The following PCDHA8 variants were observed in gnomAD, a reference collection of about 807,000 sequenced individuals.
The protein encoded by PCDHA8 is protocadherin alpha 8.
In PCDHA8, 53 loss-of-function variants were observed where a neutral mutation model predicts 61.8. That is an observed-to-expected ratio of 0.86 (90% CI 0.69 to 1.08). PCDHA8 has a LOEUF of 1.08. PCDHA8 is among the 50% of genes least tolerant of loss of function. PCDHA8 has a pLI of 0.00. For missense variants in PCDHA8, 1,293 were observed against 1,245.0 expected (o/e 1.04, Z -0.58); for synonymous variants, 618 against 556.6 (o/e 1.11, Z -1.55).
intron 3 of PCDHA8, among the ~76,000 whole-genome samples, chr5:140,993,956 C>T (rs2097588909): frequency 6.6e-6 from 1 of 152,140 alleles, no homozygotes; most frequent in Admixed American, 6.5e-5. Flanking sequence ...TGATACATGA[C>T]TGTAGTCATC....
intron 1 of PCDHA8, among the ~76,000 whole-genome samples, chr5:140,947,922 C>T (rs2094193763): frequency 6.6e-6 from 1 of 151,450 alleles, no homozygotes; most frequent in Admixed American, 6.6e-5. Context: ...TTGCCTTAAC[C>T]CTGATCTTAT....
intron 1 of PCDHA8, among the ~76,000 whole-genome samples, chr5:140,937,638 C>T (rs1563161991): frequency 6.7e-6 from 1 of 150,048 alleles, no homozygotes; most frequent in Non-Finnish European, 1.5e-5. Flanking sequence ...AAAGGCAGGG[C>T]ATGGTGGCTC....
intron 1 of PCDHA8, among the ~76,000 whole-genome samples, chr5:140,956,583 C>T (rs155799): frequency 0.28 from 42,736 of 152,052 alleles, 6,865 homozygotes; most frequent in East Asian, 0.53. Context: ...TGCATTGATG[C>T]TTATCAGGGA....
chr5:140,974,302 C>G (rs782329639), intron 1 of PCDHA8, among the ~76,000 whole-genome samples: 1 of 152,176 alleles, frequency 6.6e-6, no homozygotes, highest in Non-Finnish European at 1.5e-5. Flanking sequence ...GGAGGTACAA[C>G]TGTGAGTGAG....
At position 140,848,955 on chromosome 5, in the gene PCDHA8, C is replaced by T. The variant is rs2150426444; in HGVS notation, c.2394+5240C>T. On this transcript the variant is annotated intron_variant, in intron 1 of 3. Coordinates refer to ENST00000531613, the MANE Select transcript of PCDHA8 (RefSeq NM_018911.3). ...CAGGCCGCTTGACTCTCGGTTTCCA[C>T]TAGAGGGCGCGTCCGATGCAGATAT... 9.1e-5 allele frequency: 146 copies of T among 1,606,852 alleles called. 6 individuals are homozygous for T. Among genetic ancestry groups the T allele is most frequent in the Middle Eastern group, 1.7e-4 (1 of 6,060 alleles).
chr5:141,009,514 A>T (rs2098410382), intron 3 of PCDHA8, 113 bp from the exon 4 acceptor site: 5 of 1,501,204 alleles, frequency 3.3e-6, no homozygotes, highest in African/African-American at 1.4e-5. Context: ...ACAACTCGTG[A>T]TTTTTCTGGG....
chr5:140,966,652 G>C (rs556593659), intron 1 of PCDHA8: 2 of 1,169,200 alleles, frequency 1.7e-6, no homozygotes, highest in Admixed American at 3.9e-5. Context: ...GAGCGTGAGC[G>C]GTGGGGGAGC....
chr5:140,892,461 G>A lies in PCDHA8; in HGVS notation c.2394+48746G>A, dbSNP rs187904355. On this transcript the variant is annotated intron_variant, in intron 1 of 3. Coordinates refer to ENST00000531613, the MANE Select transcript of PCDHA8 (RefSeq NM_018911.3). ...AAATTTACATGTATTCTTTAAGTAC[G>A]GTTATTCAGTTTCCTAGCCAAACAT... 2.1e-3 allele frequency among the ~76,000 whole-genome samples: 317 copies of A among 152,150 alleles called. 1 individual carries two copies. Among genetic ancestry groups the A allele is most frequent in the Non-Finnish European group, 3.5e-3 (237 of 68,004 alleles).
chr5:140,870,927 T>G (rs782446287), intron 1 of PCDHA8: 1 of 1,613,880 alleles, frequency 6.2e-7, no homozygotes, highest in South Asian at 1.1e-5. Context: ...GGCTTTCATA[T>G]GAATTGCAGC....
At chr5:140,969,606 C>T (rs2096345912) in intron 1 of PCDHA8, 1 of 758,598 alleles carries the variant, frequency 1.3e-6, no homozygotes, top group South Asian at 2.1e-5. Context: ...AATGCTAAAA[C>T]ACAGATTTGT....
At chr5:140,921,202 C>T (rs528515993) in intron 1 of PCDHA8, among the ~76,000 whole-genome samples, 20 of 151,968 alleles carry the variant, frequency 1.3e-4, no homozygotes, top group African/African-American at 3.6e-4. Context: ...AGATTGACAA[C>T]GATAATTCAC....
At chr5:140,950,168 T>C (rs2094454639) in intron 1 of PCDHA8, among the ~76,000 whole-genome samples, 1 of 151,996 alleles carries the variant, frequency 6.6e-6, no homozygotes, top group Non-Finnish European at 1.5e-5. Context: ...TTATGTACTT[T>C]AGAGAATTAA....
At chr5:140,892,702 A>C (rs1391662001) in intron 1 of PCDHA8, among the ~76,000 whole-genome samples, 1 of 152,240 alleles carries the variant, frequency 6.6e-6, no homozygotes, top group Non-Finnish European at 1.5e-5. Flanking sequence ...AAATCAGGGT[A>C]ATTAGCATAT....
chr5:140,983,284 A>G (rs540419188), intron 3 of PCDHA8, among the ~76,000 whole-genome samples: 1 of 152,330 alleles, frequency 6.6e-6, no homozygotes, highest in East Asian at 1.9e-4. Context: ...GAGTATAGGA[A>G]AATTGCTTAA....
At chr5:140,991,539 C>T (rs1458315356) in intron 3 of PCDHA8, among the ~76,000 whole-genome samples, 3 of 152,164 alleles carry the variant, frequency 2.0e-5, no homozygotes, top group Admixed American at 6.6e-5. Context: ...CACTATATAA[C>T]AAGGATCCAC....
At chr5:140,883,690 C>T (rs1313254041) in intron 1 of PCDHA8, 1 of 1,613,870 alleles carries the variant, frequency 6.2e-7, no homozygotes, top group Non-Finnish European at 8.5e-7. Context: ...GCTGCCACAT[C>T]TTCACGGTGT....
At chr5:140,983,239 C>A (rs557831259) in intron 3 of PCDHA8, among the ~76,000 whole-genome samples, 53 of 152,294 alleles carry the variant, frequency 3.5e-4, no homozygotes, top group African/African-American at 1.2e-3. Context: ...GGAAAGAGAA[C>A]CTGCTAAGTT....
At chr5:140,901,433 A>G (rs1472475784) in intron 1 of PCDHA8, among the ~76,000 whole-genome samples, 2 of 152,104 alleles carry the variant, frequency 1.3e-5, no homozygotes, top group Non-Finnish European at 2.9e-5. Flanking sequence ...CTGCATATGG[A>G]TATCTAGTTT....
At chr5:140,848,437 A>C in intron 1 of PCDHA8, 1 of 1,473,718 alleles carries the variant, frequency 6.8e-7, no homozygotes, top group Non-Finnish European at 9.3e-7. Context: ...ACGAAATCAG[A>C]TGATTTCTTC....
Sources: gnomAD v4.1 joint callset for allele counts (sites outside exome capture counted in the v4.1 genomes callset) on GRCh38, gnomAD v4.1.1 for gene constraint, MANE v1.5 for transcripts, NCBI Gene and HGNC (gene_info 2026-07-23, HGNC 2026-07-21) for gene names.